Variants in JUND observed in about 807,000 individuals in gnomAD.
JUND encodes the protein JunD proto-oncogene, AP-1 transcription factor subunit.
JUND carries 2 observed loss-of-function variants against 7.1 expected under a neutral mutation model. That is an observed-to-expected ratio of 0.28 (90% CI 0.11 to 0.88). The LOEUF (loss-of-function observed/expected upper bound fraction) is 0.88, where lower values mean the gene tolerates loss of function less well. JUND is among the 40% of genes least tolerant of loss of function. The pLI is 0.60. For synonymous variants in JUND, 335 were observed against 263.2 expected, an observed-to-expected ratio of 1.27 and a Z score of -2.64; for missense variants, 479 against 519.1, an observed-to-expected ratio of 0.92 and a Z score of 0.75.
chr19:18,280,536 G>A lies in JUND; in HGVS notation c.949C>T (p.Leu317=). 6.2e-7 allele frequency: 1 copy of A among 1,611,762 alleles called. No homozygotes were observed. The highest frequency in any genetic ancestry group is 2.2e-5 in the East Asian group (1 of 44,804). ...NTELASTASL[L]REQVAQLKQK... is the part of the protein sequence containing the mutation. ...TTGAGCTGCGCCACCTGCTCGCGCA[G>A]CAGGCTCGCCGTGGACGCCAGCTCC... The change falls in exon 1 of 1, where the codon CTG becomes TTG. Residue 317 remains leucine (L), a synonymous_variant. Transcript: ENST00000252818. This position sits in a 1 kb window ranked among gnomAD's most constrained non-coding sequence, Gnocchi z 4.1.
At position 18,280,184 on chromosome 19, in the gene JUND, G is replaced by C. The variant is rs1969909570; in HGVS notation, c.*257C>G. On this transcript the variant is annotated 3_prime_UTR_variant, in exon 1 of 1. Transcript: ENST00000252818. The surrounding 1 kb of genome is among the most constrained non-coding windows in gnomAD (Gnocchi z 4.1). ...GGTTTGTGCAACACGGGGCGGCCGCGCGGGGGAAAGAGGCAGCGCGAGGGC... is the reference window on the plus strand; with the variant it reads ...GGTTTGTGCAACACGGGGCGGCCGCCCGGGGGAAAGAGGCAGCGCGAGGGC... 1.2e-5 allele frequency: 5 copies of C among 421,848 alleles called. No homozygotes were observed. In the Admixed American group the frequency reaches 1.9e-4, roughly 16 times the overall value. 26.1% of individuals were successfully genotyped at this position (421,848 alleles called of 1,614,324 possible). A position where few individuals can be genotyped will look rare whatever the true frequency, so the allele number is the denominator to read the frequency against.
chr19:18,279,701 C>G lies in JUND; in HGVS notation c.*740G>C, dbSNP rs541023467. On this transcript the variant is annotated 3_prime_UTR_variant, in exon 1 of 1. Coordinates refer to ENST00000252818, the MANE Select transcript of JUND (RefSeq NM_005354.6). ...GGCGGGGGTGTAGGGGGGAAGCGAACCAGGCCCCGCCCAGCCCGCCAGGCC... is the reference window on the plus strand; with the variant it reads ...GGCGGGGGTGTAGGGGGGAAGCGAAGCAGGCCCCGCCCAGCCCGCCAGGCC... The G allele has an allele frequency of 5.9e-5, 9 of 152,136 alleles. No homozygotes were observed. Among genetic ancestry groups the G allele is most frequent in the Admixed American group, 2.0e-4 (3 of 15,276 alleles). The allele number at this position is 152,136 out of a possible 1,614,324, so 9.4% of individuals were successfully genotyped here. A position where few individuals can be genotyped will look rare whatever the true frequency, so the allele number is the denominator to read the frequency against.
rs1337726405 is a variant in JUND at position 18,280,456 on chromosome 19, C to T, written c.1029G>A (p.Gln343=). 2.6e-6 allele frequency: 4 copies of T among 1,561,350 alleles called. No homozygotes were observed. In the South Asian group the frequency reaches 4.7e-5, roughly 18 times the overall value. ...NSGCQLLPQH[Q]VPAY ...GCGCGCGGACTCAGTACGCGGGCACCTGGTGCTGGGGCAGCAGCTGGCAGC... is the reference window on the plus strand; with the variant it reads ...GCGCGCGGACTCAGTACGCGGGCACTTGGTGCTGGGGCAGCAGCTGGCAGC... The change falls in exon 1 of 1, where the codon CAG becomes CAA. Residue 343 remains glutamine, a synonymous_variant. Transcript: ENST00000252818. The surrounding 1 kb of genome is among the most constrained non-coding windows in gnomAD (Gnocchi z 4.1).
rs980993792 is a variant in JUND at position 18,281,514 on chromosome 19, G to A, written c.-30C>T. The A allele has an allele frequency of 9.1e-6, 11 of 1,208,698 alleles. No homozygotes were observed. Among genetic ancestry groups the A allele is most frequent in the African/African-American group, 1.6e-5 (1 of 62,042 alleles). 74.9% of individuals were successfully genotyped at this position (1,208,698 alleles called of 1,614,324 possible). A position where few individuals can be genotyped will look rare whatever the true frequency, so the allele number is the denominator to read the frequency against. On this transcript the variant is annotated 5_prime_UTR_variant, in exon 1 of 1. Coordinates refer to ENST00000252818, the MANE Select transcript of JUND (RefSeq NM_005354.6). The stretch of plus-strand genomic sequence containing the variant: ...CGCCTCCCCCGCCGCGCCGGCCCGG[G>A]GGGGAGTGGCCGCGGCCTCCCGGGG...
rs964881257 is a variant in JUND, at chr19:18,280,277, G to C, written c.*164C>G. On this transcript the variant is annotated 3_prime_UTR_variant, in exon 1 of 1. Transcript: ENST00000252818. This position sits in a 1 kb window ranked among gnomAD's most constrained non-coding sequence, Gnocchi z 4.1. ...CTTGTCGAGTCCTGGGCACCCTCGG[G>C]GGGGGGGAATCCCCGGGGGCCGCGC... The C allele has an allele frequency of 1.3e-4, 11 of 86,212 alleles. No homozygotes were observed. The highest frequency in any genetic ancestry group is 1.8e-4 in the Non-Finnish European group (10 of 56,518). The allele number at this position is 86,212 out of a possible 1,614,324, so 5.3% of individuals were successfully genotyped here.
Position 18,280,783 on chromosome 19 carries a change from C to T in JUND, c.702G>A (p.Pro234=), listed in dbSNP as rs753446978. The change falls in exon 1 of 1, where the codon CCG becomes CCA. Residue 234 remains proline (P), a synonymous_variant. Transcript: ENST00000252818. This position sits in a 1 kb window ranked among gnomAD's most constrained non-coding sequence, Gnocchi z 4.1. ...GCTCGTCCTTGAGCGCAGCCAGGCG[C>T]GGCGGCCCCAACGCGCCTGGGGGTG... ...PPPPPGALGP[P]RLAALKDEPQ... is the part of the protein sequence containing the mutation. The T allele has an allele frequency of 1.3e-6, 2 of 1,589,834 alleles. No individual in the cohort carries two copies. Among genetic ancestry groups the T allele is most frequent in the South Asian group, 1.1e-5 (1 of 89,482 alleles).
In JUND at chr19:18,280,410, G is replaced by T; in HGVS notation, c.*31C>A. ...CCCCCGCGAGCCCGCCCCTTGGGGA[G>T]GGTGGCCGCGCATGCGCCCCGCGCG... On this transcript the variant is annotated 3_prime_UTR_variant, in exon 1 of 1. Transcript: ENST00000252818. The surrounding 1 kb of genome is among the most constrained non-coding windows in gnomAD (Gnocchi z 4.1). 1.9e-6 allele frequency: 3 copies of T among 1,538,524 alleles called. No homozygotes were observed. The highest frequency in any genetic ancestry group is 1.2e-5 in the South Asian group (1 of 83,882).
Position 18,280,383 on chromosome 19 carries a change from C to T in JUND, c.*58G>A, listed in dbSNP as rs1209516304. ...CTCCAAGTCCGGGGCGCCCACGACA[C>T]CCCCCCGCGAGCCCGCCCCTTGGGG... On this transcript the variant is annotated 3_prime_UTR_variant, in exon 1 of 1. Coordinates refer to ENST00000252818, the MANE Select transcript of JUND (RefSeq NM_005354.6). The surrounding 1 kb of genome is among the most constrained non-coding windows in gnomAD (Gnocchi z 4.1). 2 of 1,504,082 alleles carry T rather than the reference C, an allele frequency of 1.3e-6. No homozygotes were observed. The highest frequency in any genetic ancestry group is 1.8e-6 in the Non-Finnish European group (2 of 1,127,256). The allele number at this position is 1,504,082 out of a possible 1,614,324, so 93.2% of individuals were successfully genotyped here.
Position 18,280,318 on chromosome 19 carries a change from G to A in JUND, c.*123C>T, listed in dbSNP as rs1969917733. 2.9e-6 allele frequency: 3 copies of A among 1,027,232 alleles called. No individual in the cohort carries two copies. The highest frequency in any genetic ancestry group is 3.3e-5 in the South Asian group (2 of 60,658). 63.6% of individuals were successfully genotyped at this position (1,027,232 alleles called of 1,614,324 possible). ...GGGGCCGCGCCCTCTCTGAGTTCCT[G>A]GGCACACTCGGGGAGGGGGGGTCCC... On this transcript the variant is annotated 3_prime_UTR_variant, in exon 1 of 1. Coordinates refer to ENST00000252818, the MANE Select transcript of JUND (RefSeq NM_005354.6). The surrounding 1 kb of genome is among the most constrained non-coding windows in gnomAD (Gnocchi z 4.1).
In JUND at chr19:18,281,023, G is replaced by A; in HGVS notation, c.462C>T (p.Gly154=). ...CGGCGGCGGCAGCGGCCGCGCCCGC[G>A]CCGAGCTGGTTCTGCTTGTGTAAAT... is the stretch of plus-strand genomic sequence containing the variant. ...LEDLHKQNQL[G]AGAAAAAAAA... is the part of the protein sequence containing the mutation. The change falls in exon 1 of 1, where the codon GGC becomes GGT. Residue 154 remains glycine (G), a synonymous_variant. Coordinates refer to ENST00000252818, the MANE Select transcript of JUND (RefSeq NM_005354.6). 2 of 1,383,326 alleles carry A rather than the reference G, an allele frequency of 1.4e-6. No individual in the cohort carries two copies. Among genetic ancestry groups the A allele is most frequent in the Admixed American group, 2.6e-5 (1 of 39,134 alleles). 85.7% of individuals were successfully genotyped at this position (1,383,326 alleles called of 1,614,324 possible).
At position 18,280,486 on chromosome 19, in the gene JUND, G is replaced by A. The variant is rs1318727797; in HGVS notation, c.999C>T (p.Asn333=). ...GCTGGGGCAGCAGCTGGCAGCCGCTGTTGACGTGGCTGAGGACTTTCTGCT... is the reference window on the plus strand; with the variant it reads ...GCTGGGGCAGCAGCTGGCAGCCGCTATTGACGTGGCTGAGGACTTTCTGCT... ...QLKQKVLSHV[N]SGCQLLPQHQ... Residue 333 remains asparagine (N), a synonymous_variant, in exon 1 of 1, where the codon AAC becomes AAT. Coordinates refer to ENST00000252818, the MANE Select transcript of JUND (RefSeq NM_005354.6). The surrounding 1 kb of genome is among the most constrained non-coding windows in gnomAD (Gnocchi z 4.1). 1.2e-5 allele frequency: 19 copies of A among 1,588,840 alleles called. No homozygotes were observed. The highest frequency in any genetic ancestry group is 1.5e-5 in the Non-Finnish European group (18 of 1,168,174).
At position 18,281,155 on chromosome 19, in the gene JUND, G is replaced by A. The variant is rs761838559; in HGVS notation, c.330C>T (p.Ser110=). 1.3e-6 allele frequency: 2 copies of A among 1,573,858 alleles called. No individual in the cohort carries two copies. Among genetic ancestry groups the A allele is most frequent in the East Asian group, 4.8e-5 (2 of 41,802 alleles). The change falls in exon 1 of 1, where the codon TCC becomes TCT. Residue 110 remains serine (S), a synonymous_variant. Transcript: ENST00000252818. ...SPELERLIIQ[S]NGLVTTTPTS... ...TCGGCGTGGTGGTGACCAGCCCGTTGGACTGGATGATGAGGCGCTCGAGCT... is the reference window on the plus strand; with the variant it reads ...TCGGCGTGGTGGTGACCAGCCCGTTAGACTGGATGATGAGGCGCTCGAGCT...
In JUND at chr19:18,280,873, G is replaced by C. The variant is rs1182053814; in HGVS notation, c.612C>G (p.Ala204=). 3 of 1,293,860 alleles carry C rather than the reference G, an allele frequency of 2.3e-6. No individual in the cohort carries two copies. The South Asian group carries it at 7.5e-5, about 32-fold the overall frequency. The allele number at this position is 1,293,860 out of a possible 1,614,324, so 80.1% of individuals were successfully genotyped here. A position where few individuals can be genotyped will look rare whatever the true frequency, so the allele number is the denominator to read the frequency against. Residue 204 remains alanine, a synonymous_variant, in exon 1 of 1, where the codon GCC becomes GCG. Transcript: ENST00000252818. The surrounding 1 kb of genome is among the most constrained non-coding windows in gnomAD (Gnocchi z 4.1). ...CCGTCGCGGCGCCCCCCGCGCCCCC[G>C]GCGCCGCCCGCGTAGCTGCTCAGGT... is the stretch of plus-strand genomic sequence containing the variant. ...YANLSSYAGG[A]GGAGGAATVA...
In JUND at chr19:18,281,487, T is replaced by C; in HGVS notation, c.-3A>G. ...TCGCCGTAGAAGGGTGTTTCCATCC[T>C]CCGCCTCCCCCGCCGCGCCGGCCCG... On this transcript the variant is annotated 5_prime_UTR_variant, in exon 1 of 1. Coordinates refer to ENST00000252818, the MANE Select transcript of JUND (RefSeq NM_005354.6). The C allele has an allele frequency of 7.7e-7, 1 of 1,291,660 alleles. No individual in the cohort carries two copies. The highest frequency in any genetic ancestry group is 9.8e-7 in the Non-Finnish European group (1 of 1,023,068). The allele number at this position is 1,291,660 out of a possible 1,614,324, so 80.0% of individuals were successfully genotyped here. A position where few individuals can be genotyped will look rare whatever the true frequency, so the allele number is the denominator to read the frequency against.
rs1383543888 is a variant in JUND, at chr19:18,280,430, C to G, written c.*11G>C. 1.9e-6 allele frequency: 3 copies of G among 1,545,438 alleles called. No homozygotes were observed. Among genetic ancestry groups the G allele is most frequent in the Non-Finnish European group, 2.6e-6 (3 of 1,146,756 alleles). ...GGGGAGGGTGGCCGCGCATGCGCCC[C>G]GCGCGCGGACTCAGTACGCGGGCAC... On this transcript the variant is annotated 3_prime_UTR_variant, in exon 1 of 1. Coordinates refer to ENST00000252818, the MANE Select transcript of JUND (RefSeq NM_005354.6). This position sits in a 1 kb window ranked among gnomAD's most constrained non-coding sequence, Gnocchi z 4.1.
Position 18,281,076 on chromosome 19 carries a change from C to A in JUND, c.409G>T (p.Ala137Ser), listed in dbSNP as rs1423473105. ...TCCAGGGCCTTGACGAAGCCCTCGG[C>A]GAACTCCTGCTCCTCGCTGGCCGCC... ...KVAASEEQEF[A>S]EGFVKALEDL... Residue 137 changes from alanine (A) to serine (S), a missense_variant, in exon 1 of 1, where the codon GCC (alanine) becomes TCC (serine). By Grantham distance (99) the Ala-to-Ser change is moderately conservative. Transcript: ENST00000252818. 6.4e-7 allele frequency: 1 copy of A among 1,573,930 alleles called. No individual in the cohort carries two copies. The highest frequency in any genetic ancestry group is 8.6e-7 in the Non-Finnish European group (1 of 1,164,818).
Position 18,281,348 on chromosome 19 carries a change from T to A in JUND, c.137A>T (p.Lys46Met). ...PPTAAAGSMM[K>M]KDALTLSLSE... ...CAGGCTCAGCGTCAGCGCGTCCTTC[T>A]TCATCATGCTGCCGGCCGCGGCCGT... The change falls in exon 1 of 1, where the codon AAG becomes ATG. Residue 46 changes from lysine to methionine, a missense_variant. Around this residue, in one of 3 missense-constraint regions of JUND, gnomAD observed 374 missense variants for 365.4 expected, o/e 1.02. Transcript: ENST00000252818. The A allele has an allele frequency of 1.5e-6, 2 of 1,346,792 alleles. No individual in the cohort carries two copies. The highest frequency in any genetic ancestry group is 1.9e-6 in the Non-Finnish European group (2 of 1,058,684). The allele number at this position is 1,346,792 out of a possible 1,614,324, so 83.4% of individuals were successfully genotyped here. A position where few individuals can be genotyped will look rare whatever the true frequency, so the allele number is the denominator to read the frequency against.
rs1209516304 is a variant in JUND, at chr19:18,280,383, C to A, written c.*58G>T. 3.3e-6 allele frequency: 5 copies of A among 1,503,966 alleles called. No homozygotes were observed. The highest frequency in any genetic ancestry group is 1.2e-5 in the South Asian group (1 of 81,596). The allele number at this position is 1,503,966 out of a possible 1,614,324, so 93.2% of individuals were successfully genotyped here. ...CTCCAAGTCCGGGGCGCCCACGACACCCCCCCGCGAGCCCGCCCCTTGGGG... is the reference window on the plus strand; with the variant it reads ...CTCCAAGTCCGGGGCGCCCACGACAACCCCCCGCGAGCCCGCCCCTTGGGG... On this transcript the variant is annotated 3_prime_UTR_variant, in exon 1 of 1. Transcript: ENST00000252818. The surrounding 1 kb of genome is among the most constrained non-coding windows in gnomAD (Gnocchi z 4.1).
In JUND at chr19:18,280,229, C is replaced by A. The variant is rs1055868866; in HGVS notation, c.*212G>T. 1.9e-6 allele frequency: 1 copy of A among 529,764 alleles called. No individual in the cohort carries two copies. The highest frequency in any genetic ancestry group is 2.2e-5 in the South Asian group (1 of 45,104). The allele number at this position is 529,764 out of a possible 1,614,324, so 32.8% of individuals were successfully genotyped here. A position where few individuals can be genotyped will look rare whatever the true frequency, so the allele number is the denominator to read the frequency against. ...GAGGGCGGGGGGGTCATGCGCTCGC[C>A]CCCCCGGGAGCAGGGGGTCCAGCTT... On this transcript the variant is annotated 3_prime_UTR_variant, in exon 1 of 1. Coordinates refer to ENST00000252818, the MANE Select transcript of JUND (RefSeq NM_005354.6). The surrounding 1 kb of genome is among the most constrained non-coding windows in gnomAD (Gnocchi z 4.1).
Sources: gnomAD v4.1 joint callset for allele counts on GRCh38, gnomAD v4.1.1 for gene constraint, gnomAD v4.1.1 regional missense constraint, Gnocchi (gnomAD v3.1) non-coding constraint, MANE v1.5 for transcripts, NCBI Gene and HGNC (gene_info 2026-07-23, HGNC 2026-07-21) for gene names.